ARHGEF33: variants seen among roughly 807,000 people sequenced by gnomAD.
The protein encoded by ARHGEF33 is DH and coiled-coil domain-containing protein ENSP00000381780.
A neutral mutation model predicts 101.9 loss-of-function variants in ARHGEF33; 72 were observed. That is an observed-to-expected ratio of 0.71 (90% confidence interval 0.58 to 0.86). The LOEUF is 0.86. Ranked by LOEUF, ARHGEF33 falls within the 40% of genes least tolerant of loss-of-function variation. The probability of loss-of-function intolerance (pLI) is 0.00; values close to 1 mark genes in which losing one functional copy is unlikely to be tolerated. For missense variants in ARHGEF33, 1,169 were observed against 1,111.3 expected (o/e 1.05, Z -0.74); for synonymous variants, 499 against 442.5 (o/e 1.13, Z -1.60).
intron 10 of ARHGEF33, among the ~76,000 whole-genome samples, chr2:38,945,574 T>C (rs912793425): frequency 2.6e-5 from 4 of 152,228 alleles, no homozygotes; most frequent in African/African-American, 9.6e-5. Flanking sequence ...GCTGCAGGCC[T>C]CTGGAAGTCT....
In ARHGEF33 at chr2:38,951,077, C is replaced by T; in HGVS notation, c.1009C>T (p.Gln337Ter). Residue 337 changes from glutamine to a stop codon, truncating the protein, a stop_gained, in exon 11 of 18, where the codon CAA becomes TAA. Coordinates refer to ENST00000409978, the MANE Select transcript of ARHGEF33 (RefSeq NM_001145451.5). LOFTEE classifies it high-confidence loss of function. ...LQERVLKWPRQGVLGDLFLKL... is the reference protein window; with the variant it reads ...LQERVLKWPR ...GGAAAGGGTCCTGAAGTGGCCACGC[C>T]AAGGCGTTCTTGGAGATTTATTCCT... 1 of 1,551,954 alleles carries T rather than the reference C, an allele frequency of 6.4e-7. No homozygotes were observed. Among genetic ancestry groups the T allele is most frequent in the Non-Finnish European group, 8.7e-7 (1 of 1,147,012 alleles).
intron 2 of ARHGEF33, among the ~76,000 whole-genome samples, chr2:38,917,658 T>G (rs1463621120): frequency 6.6e-6 from 1 of 151,584 alleles, no homozygotes; most frequent in Non-Finnish European, 1.5e-5. Context: ...GTGAGACTCC[T>G]GTCTCTACAA....
At chr2:38,934,874 G>A (rs1366799560) in intron 7 of ARHGEF33, among the ~76,000 whole-genome samples, 1 of 151,892 alleles carries the variant, frequency 6.6e-6, no homozygotes, top group Non-Finnish European at 1.5e-5. Context: ...TTTAAATAGA[G>A]TGCCAGGCAA....
Position 38,919,372 on chromosome 2 carries a change from A to G in ARHGEF33, c.-76A>G. ...TGATTTGAATTGACAGGTGCAGGGA[A>G]GAGGAGGTGGCCTGAGCCAGGACGA... On this transcript the variant is annotated 5_prime_UTR_variant, in exon 3 of 18. Transcript: ENST00000409978. 1 of 1,431,390 alleles carries G rather than the reference A, an allele frequency of 7.0e-7. No individual in the cohort carries two copies. The highest frequency in any genetic ancestry group is 9.6e-7 in the Non-Finnish European group (1 of 1,037,444). 88.7% of individuals were successfully genotyped at this position (1,431,390 alleles called of 1,614,324 possible).
intron 17 of ARHGEF33, among the ~76,000 whole-genome samples, chr2:38,968,046 A>G (rs562387292): frequency 6.6e-6 from 1 of 151,236 alleles, no homozygotes; most frequent in Admixed American, 6.6e-5. Flanking sequence ...TTGGAAAACA[A>G]TGAGCAATAG....
In ARHGEF33 at chr2:38,959,830, T is replaced by C. The variant is rs772379084; in HGVS notation, c.1536-11T>C. The C allele has an allele frequency of 1.9e-5, 29 of 1,534,530 alleles. No individual in the cohort carries two copies. The highest frequency in any genetic ancestry group is 2.5e-5 in the Non-Finnish European group (28 of 1,136,704). ...AGCACAGCTCTTTTGTACTCTGTTT[T>C]CCCCCTAAAGACATCTGATGCCCCC... On this transcript the variant is annotated splice_polypyrimidine_tract_variant and intron_variant, in intron 15 of 17. Coordinates refer to ENST00000409978, the MANE Select transcript of ARHGEF33 (RefSeq NM_001145451.5).
At chr2:38,931,276 T>C (rs763493037) in intron 7 of ARHGEF33, 25 bp downstream of exon 7, 1 of 1,524,876 alleles carries the variant, frequency 6.6e-7, no homozygotes, top group South Asian at 1.3e-5. Context: ...TCATACTGAA[T>C]TAATCAAGTA....
At chr2:38,964,004 C>T (rs1057162341) in intron 16 of ARHGEF33, among the ~76,000 whole-genome samples, 19 of 152,138 alleles carry the variant, frequency 1.2e-4, no homozygotes, top group African/African-American at 7.2e-5. Flanking sequence ...AATTATACAA[C>T]TCACCATAAT....
At position 38,973,931 on chromosome 2, in the gene ARHGEF33, T is replaced by G; in HGVS notation, c.*88T>G. 3 of 808,658 alleles carry G rather than the reference T, an allele frequency of 3.7e-6. No homozygotes were observed. The highest frequency in any genetic ancestry group is 5.3e-5 in the East Asian group (1 of 18,962). 50.1% of individuals were successfully genotyped at this position (808,658 alleles called of 1,614,324 possible). A position where few individuals can be genotyped will look rare whatever the true frequency, so the allele number is the denominator to read the frequency against. On this transcript the variant is annotated 3_prime_UTR_variant, in exon 18 of 18. Transcript: ENST00000409978. Reference sequence around the variant, plus strand: ...GTAGGAATATATATATATATCTATATCTATATATATATATATATCGATGTA... The same window carrying G: ...GTAGGAATATATATATATATCTATAGCTATATATATATATATATCGATGTA...
Position 38,957,057 on chromosome 2 carries a change from T to C in ARHGEF33, c.1370+10T>C, listed in dbSNP as rs1667786094. On this transcript the variant is annotated intron_variant, in intron 14 of 17. Coordinates refer to ENST00000409978, the MANE Select transcript of ARHGEF33 (RefSeq NM_001145451.5). Reference sequence around the variant, plus strand: ...GGAAAAAGCTCAAGAAGTAAGGTTCTGATGGTGTGGTCTAGAGGGTCGAAG... The same window carrying C: ...GGAAAAAGCTCAAGAAGTAAGGTTCCGATGGTGTGGTCTAGAGGGTCGAAG... 6.4e-7 allele frequency: 1 copy of C among 1,551,590 alleles called. No homozygotes were observed. Among genetic ancestry groups the C allele is most frequent in the African/African-American group, 1.4e-5 (1 of 73,050 alleles).
chr2:38,953,178 AT>A lies in ARHGEF33; in HGVS notation c.1072del (p.Tyr358MetfsTer5). 1 of 1,519,572 alleles carries A rather than the reference AT, an allele frequency of 6.6e-7. No homozygotes were observed. The highest frequency in any genetic ancestry group is 9.0e-7 in the Non-Finnish European group (1 of 1,117,302). 94.1% of individuals were successfully genotyped at this position (1,519,572 alleles called of 1,614,324 possible). A position where few individuals can be genotyped will look rare whatever the true frequency, so the allele number is the denominator to read the frequency against. On this transcript the variant is annotated frameshift_variant, in exon 12 of 18. Coordinates refer to ENST00000409978, the MANE Select transcript of ARHGEF33 (RefSeq NM_001145451.5). LOFTEE classifies it high-confidence loss of function. ...GTTTTAAAGAATAATTTCTTGGATT[AT>A]TATGTTGCCTACCTAAGGGACCTGC... ...LTNDENNFLD[Y>X]YVAYLRDLPE...
At chr2:38,916,188 C>T (rs925378721) in intron 2 of ARHGEF33, among the ~76,000 whole-genome samples, 1 of 152,028 alleles carries the variant, frequency 6.6e-6, no homozygotes, top group African/African-American at 2.4e-5. Context: ...TGTAGACTAA[C>T]GACTAAATTT....
chr2:38,937,524 C>A lies in ARHGEF33; in HGVS notation c.755C>A (p.Ser252Tyr). ...LKEAGQGRHS[S>Y]LENVLCETSL... The stretch of plus-strand genomic sequence containing the variant: ...GAGGCTGGCCAGGGTAGACACAGCT[C>A]CTTGGAAAACGTTTTATGTGAAACC... Residue 252 changes from serine to tyrosine, a missense_variant, in exon 9 of 18, where the codon TCC (serine) becomes TAC (tyrosine). Ser to Tyr is a moderately radical substitution (Grantham distance 144). Transcript: ENST00000409978. 1 of 1,549,560 alleles carries A rather than the reference C, an allele frequency of 6.5e-7. No individual in the cohort carries two copies. The highest frequency in any genetic ancestry group is 8.7e-7 in the Non-Finnish European group (1 of 1,145,730).
At chr2:38,971,158 T>G (rs922902846) in intron 17 of ARHGEF33, among the ~76,000 whole-genome samples, 4 of 152,346 alleles carry the variant, frequency 2.6e-5, no homozygotes, top group Non-Finnish European at 5.9e-5. Context: ...TCAGAGGTTT[T>G]TGCAGCACTG....
chr2:38,901,714 G>T (rs1473570712), intron 2 of ARHGEF33, among the ~76,000 whole-genome samples: 1 of 152,208 alleles, frequency 6.6e-6, no homozygotes, highest in Non-Finnish European at 1.5e-5. Context: ...CTCGGAGAGG[G>T]TAAATAATTT....
At chr2:38,906,785 A>G (rs892943134) in intron 2 of ARHGEF33, among the ~76,000 whole-genome samples, 51 of 145,074 alleles carry the variant, frequency 3.5e-4, no homozygotes, top group African/African-American at 1.2e-3. Flanking sequence ...CCTGGGCAAC[A>G]TGGTGAAACC....
chr2:38,927,433 C>T (rs1332863138), intron 4 of ARHGEF33, among the ~76,000 whole-genome samples: 1 of 152,222 alleles, frequency 6.6e-6, no homozygotes, highest in African/African-American at 2.4e-5. Context: ...CAGTGGCTCA[C>T]GCCTGTAATC....
Position 38,935,699 on chromosome 2 carries a change from A to C in ARHGEF33, c.506-76A>C, listed in dbSNP as rs748438953. On this transcript the variant is annotated intron_variant, in intron 7 of 17. Transcript: ENST00000409978. ...AACTACAATCTCTGAGTCTGCCCCC[A>C]GTGCCAGGCTCGTGGAAGGTGCTTA... The C allele has an allele frequency of 6.4e-5, 76 of 1,184,012 alleles. No homozygotes were observed. The Middle Eastern group carries it at 7.6e-4, about 12-fold the overall frequency. 73.3% of individuals were successfully genotyped at this position (1,184,012 alleles called of 1,614,324 possible).
intron 2 of ARHGEF33, among the ~76,000 whole-genome samples, chr2:38,904,447 T>A (rs1174528110): frequency 1.3e-5 from 2 of 152,124 alleles, no homozygotes; most frequent in Non-Finnish European, 1.5e-5. Flanking sequence ...GGCTCACTCC[T>A]GTAATCCCAG....
Sources: allele counts gnomAD v4.1 joint callset (sites outside exome capture counted in the v4.1 genomes callset), GRCh38; gene constraint gnomAD v4.1.1; transcripts MANE v1.5; gene names NCBI Gene and HGNC (gene_info 2026-07-23, HGNC 2026-07-21).